ITFG2: variants seen among roughly 807,000 people sequenced by gnomAD.
ITFG2 encodes the protein integrin alpha FG-GAP repeat containing 2.
ITFG2 carries 36 observed loss-of-function variants against 54.4 expected under a neutral mutation model. That is an observed-to-expected ratio of 0.66 (90% CI 0.51 to 0.87). ITFG2 has a LOEUF of 0.87. Ranked by LOEUF, ITFG2 falls within the 40% of genes least tolerant of loss-of-function variation. The pLI is 0.00. For synonymous variants in ITFG2, 211 were observed against 225.4 expected (o/e 0.94, Z 0.57); for missense variants, 524 against 576.7 (o/e 0.91, Z 0.94).
intron 2 of ITFG2, among the ~76,000 whole-genome samples, chr12:2,852,867 C>T (rs534603711): frequency 2.4e-4 from 37 of 152,054 alleles, no homozygotes; most frequent in Admixed American, 1.7e-3. Context: ...GGCATGGTGA[C>T]GGGAGCCTGT....
chr12:2,816,436 T>G (rs1255357471), intron 1 of ITFG2, among the ~76,000 whole-genome samples: 2 of 150,690 alleles, frequency 1.3e-5, no homozygotes, highest in Non-Finnish European at 3.0e-5. Flanking sequence ...TTCACACCAT[T>G]CTCCTGCCTC....
chr12:2,820,936 C>T, intron 6 of ITFG2, 64 bp downstream of exon 6: 1 of 1,549,820 alleles, frequency 6.5e-7, no homozygotes. Flanking sequence ...CTCCCAGATG[C>T]CACATGGTAG....
intron 1 of ITFG2, among the ~76,000 whole-genome samples, chr12:2,839,650 A>G (rs1244916384): frequency 6.6e-6 from 1 of 152,208 alleles, no homozygotes; most frequent in African/African-American, 2.4e-5. Context: ...GGAGAGCCAG[A>G]TGAGGTCCCT....
At chr12:2,828,200 C>T, downstream of ITFG2, 1 of 1,142,872 alleles carries the variant, frequency 8.7e-7, no homozygotes, top group Non-Finnish European at 1.3e-6. Flanking sequence ...AGTCTTCTAG[C>T]CACTCTTTTG....
chr12:2,822,511 CTTG>C (rs537902381), intron 9 of ITFG2, among the ~76,000 whole-genome samples: 79 of 152,268 alleles, frequency 5.2e-4, no homozygotes, highest in African/African-American at 1.8e-3. Flanking sequence ...ATCAGGCATG[CTTG>C]TTGGTTTAGG....
chr12:2,855,881 C>T (rs1279536331), intron 2 of ITFG2, among the ~76,000 whole-genome samples: 3 of 152,072 alleles, frequency 2.0e-5, no homozygotes, highest in Non-Finnish European at 2.9e-5. Context: ...CTGGTCTTGG[C>T]GGTATACCAG....
chr12:2,827,402 CT>C (rs2097973589), downstream of ITFG2: 5 of 1,522,586 alleles, frequency 3.3e-6, no homozygotes, highest in Non-Finnish European at 2.6e-6. The surrounding 1 kb of genome is among the most constrained non-coding windows in gnomAD (Gnocchi z 4.0). Flanking sequence ...TTCCACCTGC[CT>C]TTTGCTCTTC....
chr12:2,821,348 A>G lies in ITFG2; in HGVS notation c.782A>G (p.Asn261Ser). The G allele has an allele frequency of 6.2e-7, 1 of 1,607,510 alleles. No individual in the cohort carries two copies. Among genetic ancestry groups the G allele is most frequent in the Non-Finnish European group, 8.5e-7 (1 of 1,176,678 alleles). The change falls in exon 7 of 12, where the codon AAC (asparagine) becomes AGC (serine). Residue 261 changes from asparagine (N) to serine (S), a missense_variant. By Grantham distance (46) the Asn-to-Ser change is conservative. Coordinates refer to ENST00000228799, the MANE Select transcript of ITFG2 (RefSeq NM_018463.4). ...AATGTCTCCACTCACCTAATTGGCAACATCAAACAAGGTGAAAGTGTGGTG... is the reference window on the plus strand; with the variant it reads ...AATGTCTCCACTCACCTAATTGGCAGCATCAAACAAGGTGAAAGTGTGGTG... ...NKNVSTHLIG[N>S]IKQGHGTESS...
chr12:2,824,097 C>T lies in ITFG2; in HGVS notation c.1248C>T (p.Asp416=), dbSNP rs763713256. 6.0e-5 allele frequency: 97 copies of T among 1,613,982 alleles called. 1 individual carries two copies. The highest frequency in any genetic ancestry group is 1.9e-4 in the South Asian group (17 of 91,078). ...SLLQELGVDP[D]DLPVTRALLH... ...CCCCTTCTTGGCTCTCAGATCCTGA[C>T]GACCTCCCTGTGACTCGTGCCCTGC... is the stretch of plus-strand genomic sequence containing the variant. The change falls in exon 12 of 12, where the codon GAC becomes GAT. Residue 416 remains aspartate, a synonymous_variant. Coordinates refer to ENST00000228799, the MANE Select transcript of ITFG2 (RefSeq NM_018463.4).
At position 2,821,322 on chromosome 12, in the gene ITFG2, G is replaced by A. The variant is rs1469003033; in HGVS notation, c.756G>A (p.Lys252=). 5 of 1,609,958 alleles carry A rather than the reference G, an allele frequency of 3.1e-6. No individual in the cohort carries two copies. The highest frequency in any genetic ancestry group is 4.2e-6 in the Non-Finnish European group (5 of 1,178,098). The part of the protein sequence containing the change: ...LHQTSGRIHN[K]NVSTHLIGNI... ...AGACATCTGGCCGTATCCACAACAA[G>A]AATGTCTCCACTCACCTAATTGGCA... Residue 252 remains lysine, a synonymous_variant, in exon 7 of 12, where the codon AAG becomes AAA. Transcript: ENST00000228799.
upstream of ITFG2, chr12:2,836,653 C>T (rs2098028610): frequency 6.6e-6 from 1 of 152,256 alleles, no homozygotes; most frequent in African/African-American, 2.4e-5. Flanking sequence ...AAGGCGACCT[C>T]ATTTGGAGAT....
At chr12:2,828,710 C>T (rs189604225), downstream of ITFG2, among the ~76,000 whole-genome samples, 55 of 152,116 alleles carry the variant, frequency 3.6e-4, no homozygotes, top group African/African-American at 1.1e-3. Context: ...GGTGTGGTGG[C>T]GCATGCCTGT....
chr12:2,836,018 A>G (rs1422453620), upstream of ITFG2, among the ~76,000 whole-genome samples: 1 of 152,220 alleles, frequency 6.6e-6, no homozygotes. Flanking sequence ...CATGCATGAC[A>G]TTGAGGAAAT....
upstream of ITFG2, among the ~76,000 whole-genome samples, chr12:2,835,898 A>G (rs1366503536): frequency 3.3e-5 from 5 of 152,134 alleles, no homozygotes; most frequent in East Asian, 1.9e-4. Flanking sequence ...TTCTTCTGCA[A>G]TCTGCTCTTT....
At chr12:2,858,900 A>G in intron 3 of ITFG2, 15 of 1,613,968 alleles carry the variant, frequency 9.3e-6, no homozygotes, top group Non-Finnish European at 1.3e-5. Flanking sequence ...TTCTGAACTG[A>G]GGAGCCTTTG....
At chr12:2,816,330 C>CTT (rs34665036) in intron 1 of ITFG2, among the ~76,000 whole-genome samples, 13 of 120,450 alleles carry the variant, frequency 1.1e-4, no homozygotes, top group Admixed American at 1.8e-4. Context: ...CGCACACAGC[C>CTT]TTTTTTTTTT....
upstream of ITFG2, among the ~76,000 whole-genome samples, chr12:2,833,575 A>G (rs372780472): frequency 4.6e-5 from 7 of 152,026 alleles, no homozygotes; most frequent in East Asian, 1.2e-3. Context: ...CATGCTTCCA[A>G]CCTGTCAGTA....
chr12:2,827,497 C>G (rs1336402387), downstream of ITFG2: 1 of 1,557,518 alleles, frequency 6.4e-7, no homozygotes, highest in Middle Eastern at 1.9e-4. This position sits in a 1 kb window ranked among gnomAD's most constrained non-coding sequence, Gnocchi z 4.0. Context: ...TAAGGAACCT[C>G]TAAGGAAGCA....
At chr12:2,830,564 G>A (rs768735531) in intron 2 of ITFG2, 6 of 808,882 alleles carry the variant, frequency 7.4e-6, no homozygotes, top group Non-Finnish European at 1.1e-5. Context: ...AGGAGGTAGA[G>A]GATCCTGGTT....
Sources: gnomAD v4.1 joint callset for allele counts (sites outside exome capture counted in the v4.1 genomes callset) on GRCh38, gnomAD v4.1.1 for gene constraint, Gnocchi (gnomAD v3.1) non-coding constraint, MANE v1.5 for transcripts, NCBI Gene and HGNC (gene_info 2026-07-23, HGNC 2026-07-21) for gene names.